Variants in EXTL3 observed in about 807,000 individuals in gnomAD.
The protein encoded by EXTL3 is exostosin-like 3.
EXTL3 carries 27 observed loss-of-function variants against 69.3 expected under a neutral mutation model. That is an observed-to-expected ratio of 0.39 (90% CI 0.29 to 0.54). EXTL3 has a LOEUF of 0.54. Among genes scored for constraint, EXTL3 ranks in the 20% least tolerant of loss-of-function variants. The pLI is 0.69. For synonymous variants in EXTL3, 511 were observed against 499.4 expected (o/e 1.02, Z -0.31); for missense variants, 1,003 against 1,231.8 (o/e 0.81, Z 2.78).
Position 28,713,545 on chromosome 8 carries a change from C to T in EXTL3, c.-481C>T, listed in dbSNP as rs918008060. ...GTCAGAGGAAGGAAGGGTCCTGAAA[C>T]ACATGGTGAGGAAGGAATGAGTCAG... On this transcript the variant is annotated 5_prime_UTR_variant, in exon 2 of 7. Coordinates refer to ENST00000220562, the MANE Select transcript of EXTL3 (RefSeq NM_001440.4). 3 of 702,134 alleles carry T rather than the reference C, an allele frequency of 4.3e-6. No homozygotes were observed. The highest frequency in any genetic ancestry group is 2.3e-4 in the Middle Eastern group (1 of 4,366). 43.5% of individuals were successfully genotyped at this position (702,134 alleles called of 1,614,324 possible).
At chr8:28,735,884 T>A (rs372332126) in intron 4 of EXTL3, among the ~76,000 whole-genome samples, 1 of 152,202 alleles carries the variant, frequency 6.6e-6, no homozygotes, top group Admixed American at 6.5e-5. Flanking sequence ...GCGTTATTCG[T>A]AACAGAAGTG....
At chr8:28,640,199 G>A (rs1377353695) in intron 1 of EXTL3, among the ~76,000 whole-genome samples, 1 of 152,150 alleles carries the variant, frequency 6.6e-6, no homozygotes, top group Non-Finnish European at 1.5e-5. Flanking sequence ...ATATTACAAA[G>A]TATAACTCAA....
At chr8:28,670,342 G>C (rs1807266681) in intron 1 of EXTL3, among the ~76,000 whole-genome samples, 1 of 152,144 alleles carries the variant, frequency 6.6e-6, no homozygotes, top group African/African-American at 2.4e-5. Flanking sequence ...TCTGTATTAA[G>C]GGATTGCCAG....
In EXTL3 at chr8:28,715,768, A is replaced by G; in HGVS notation, c.-292A>G. 2.3e-6 allele frequency: 1 copy of G among 427,564 alleles called. No individual in the cohort carries two copies. 26.5% of individuals were successfully genotyped at this position (427,564 alleles called of 1,614,324 possible). A position where few individuals can be genotyped will look rare whatever the true frequency, so the allele number is the denominator to read the frequency against. On this transcript the variant is annotated 5_prime_UTR_variant, in exon 3 of 7. Transcript: ENST00000220562. ...TTTTTCCTGGGTTTCATCATCAGGTACCTCCTCCCTTTCATCTCAGCAAGA... is the reference window on the plus strand; with the variant it reads ...TTTTTCCTGGGTTTCATCATCAGGTGCCTCCTCCCTTTCATCTCAGCAAGA...
chr8:28,735,813 T>C lies in EXTL3; in HGVS notation c.2277-1706T>C, dbSNP rs1349659129. 5.9e-5 allele frequency among the ~76,000 whole-genome samples: 9 copies of C among 152,112 alleles called. No individual in the cohort carries two copies. In the East Asian group the frequency reaches 1.7e-3, roughly 29 times the overall value. ...AATCAATCATAAGGGACAGAAAAGG[T>C]ATACCAAGAGACTTGAGAGCATGTG... is the stretch of plus-strand genomic sequence containing the variant. On this transcript the variant is annotated intron_variant, in intron 4 of 6. Transcript: ENST00000220562.
intron 1 of EXTL3, among the ~76,000 whole-genome samples, chr8:28,633,197 G>A (rs895401356): frequency 6.6e-6 from 1 of 151,984 alleles, no homozygotes; most frequent in African/African-American, 2.4e-5. Flanking sequence ...AATTAGGCAG[G>A]TGTGTTGGCG....
At chr8:28,645,073 C>T (rs28735716) in intron 1 of EXTL3, among the ~76,000 whole-genome samples, 97 of 152,120 alleles carry the variant, frequency 6.4e-4, no homozygotes, top group African/African-American at 2.2e-3. Flanking sequence ...GACATTGTTT[C>T]TTCTGAAAAG....
At chr8:28,617,609 C>G (rs770791528) in intron 2 of EXTL3, among the ~76,000 whole-genome samples, 4 of 152,160 alleles carry the variant, frequency 2.6e-5, no homozygotes, top group Non-Finnish European at 4.4e-5. Context: ...CATGGCAAAA[C>G]CCTGTCTCTA....
At chr8:28,637,134 A>G (rs761599359) in intron 1 of EXTL3, among the ~76,000 whole-genome samples, 1 of 152,206 alleles carries the variant, frequency 6.6e-6, no homozygotes, top group Non-Finnish European at 1.5e-5. Flanking sequence ...ATTCCTTTAT[A>G]AAAGAAACCT....
At chr8:28,703,808 T>TA (rs1289328836) in intron 1 of EXTL3, among the ~76,000 whole-genome samples, 2 of 152,226 alleles carry the variant, frequency 1.3e-5, no homozygotes, top group African/African-American at 2.4e-5. Context: ...GTTATTAAGT[T>TA]TAGCTCAGAA....
chr8:28,633,972 A>G (rs1489356286), intron 1 of EXTL3, among the ~76,000 whole-genome samples: 1 of 152,108 alleles, frequency 6.6e-6, no homozygotes, highest in African/African-American at 2.4e-5. Flanking sequence ...CAGACACGGA[A>G]TCTGGTAGGA....
intron 1 of EXTL3, among the ~76,000 whole-genome samples, chr8:28,658,450 ATATAT>A (rs1453870511): frequency 6.6e-6 from 1 of 152,174 alleles, no homozygotes; most frequent in Non-Finnish European, 1.5e-5. Context: ...GCACATAAAA[ATATAT>A]TCTATATTCT....
intron 3 of EXTL3, among the ~76,000 whole-genome samples, chr8:28,729,094 G>A (rs1801475024): frequency 6.6e-6 from 1 of 151,826 alleles, no homozygotes; most frequent in Admixed American, 6.6e-5. Context: ...TCAGGAGTTC[G>A]AGACCAGCCT....
Position 28,667,279 on chromosome 8 carries a change from G to T in EXTL3, c.-53+44469G>T, listed in dbSNP as rs560920186. ...AGGGGCCAGTGGATGGAAAAGTAAT[G>T]CAAGGAACTTGGTAAAGTAACAAGG... On this transcript the variant is annotated intron_variant, in intron 1 of 6. Transcript: ENST00000523149. Among the ~76,000 whole-genome samples the T allele has an allele frequency of 2.0e-5, 3 of 152,334 alleles. No homozygotes were observed. In the East Asian group the frequency reaches 5.8e-4, roughly 29 times the overall value.
At chr8:28,643,664 A>G (rs1412297372) in intron 1 of EXTL3, among the ~76,000 whole-genome samples, 1 of 151,812 alleles carries the variant, frequency 6.6e-6, no homozygotes, top group South Asian at 2.1e-4. Context: ...GTGATCCACC[A>G]GCCTCAGCCT....
At position 28,751,096 on chromosome 8, in the gene EXTL3, T is replaced by A; in HGVS notation, c.*230T>A. ...GGGGTTCCCCACACAGGGCACTGAC[T>A]GATAGCTTACACTGAGGACTGTGGC... On this transcript the variant is annotated 3_prime_UTR_variant, in exon 7 of 7. Transcript: ENST00000220562. 1.8e-6 allele frequency: 1 copy of A among 568,802 alleles called. No homozygotes were observed. Among genetic ancestry groups the A allele is most frequent in the Non-Finnish European group, 3.2e-6 (1 of 316,552 alleles). 35.2% of individuals were successfully genotyped at this position (568,802 alleles called of 1,614,324 possible).
At chr8:28,718,522 T>C (rs1270056528) in intron 3 of EXTL3, among the ~76,000 whole-genome samples, 1 of 152,224 alleles carries the variant, frequency 6.6e-6, no homozygotes. Flanking sequence ...ATGATGATAA[T>C]GATAAGCTAC....
intron 1 of EXTL3, among the ~76,000 whole-genome samples, chr8:28,695,853 CT>C (rs1800677452): frequency 6.6e-6 from 1 of 152,122 alleles, no homozygotes; most frequent in African/African-American, 2.4e-5. Flanking sequence ...TAATTGGCAA[CT>C]CCAGGATAAT....
At chr8:28,710,305 C>T in intron 1 of EXTL3, 1 of 324,446 alleles carries the variant, frequency 3.1e-6, no homozygotes, top group South Asian at 2.4e-5. Flanking sequence ...AGCTCATTGG[C>T]AAGCTCTGGG....
Sources: allele counts gnomAD v4.1 joint callset (sites outside exome capture counted in the v4.1 genomes callset), GRCh38; gene constraint gnomAD v4.1.1; transcripts MANE v1.5; gene names NCBI Gene and HGNC (gene_info 2026-07-23, HGNC 2026-07-21).